The following ZEB1 variants were observed in gnomAD, a reference collection of about 807,000 sequenced individuals.
ZEB1 encodes the protein zinc finger E-box binding homeobox 1.
In ZEB1, 21 loss-of-function variants were observed where a neutral mutation model predicts 84.9. That is an observed-to-expected ratio of 0.25 (90% CI 0.18 to 0.36). ZEB1 has a LOEUF of 0.36. Ranked by LOEUF, ZEB1 falls within the 10% of genes least tolerant of loss-of-function variation. The pLI, the probability that ZEB1 is intolerant of heterozygous loss-of-function variation, is 1.00. For synonymous variants in ZEB1, 420 were observed against 471.1 expected (o/e 0.89, Z 1.41); for missense variants, 1,104 against 1,330.2 (o/e 0.83, Z 2.65).
intron 1 of ZEB1, among the ~76,000 whole-genome samples, chr10:31,409,691 C>G (rs921956698): frequency 6.6e-5 from 10 of 152,164 alleles, no homozygotes; most frequent in Non-Finnish European, 1.0e-4. Context: ...TTTCCTTGAA[C>G]AGTGGTTTTT....
intron 1 of ZEB1, among the ~76,000 whole-genome samples, chr10:31,387,524 G>C (rs536231745): frequency 3.3e-5 from 5 of 152,092 alleles, no homozygotes; most frequent in African/African-American, 1.2e-4. Flanking sequence ...TTCCAGTTTA[G>C]TCTGCATTTA....
chr10:31,390,369 T>C (rs529501019), intron 1 of ZEB1, among the ~76,000 whole-genome samples: 2 of 152,222 alleles, frequency 1.3e-5, no homozygotes, highest in African/African-American at 2.4e-5. Flanking sequence ...CTAGAAGATA[T>C]CTCTAGCCCA....
chr10:31,327,099 C>CTTTTTTTTTTTTTTTTTTTTTTTTTTT (rs71527629), intron 1 of ZEB1, among the ~76,000 whole-genome samples: 4 of 84,934 alleles, frequency 4.7e-5, no homozygotes, highest in Admixed American at 1.2e-4. Flanking sequence ...CTTTTCTTTT[C>CTTTTTTTTTTTTTTTTTTTTTTTTTTT]TTTTTTTTTT....
chr10:31,490,546 A>G (rs1565097225), intron 2 of ZEB1, among the ~76,000 whole-genome samples: 1 of 151,742 alleles, frequency 6.6e-6, no homozygotes, highest in Admixed American at 6.6e-5. Context: ...TTATTTAAAT[A>G]TCTTCCATTT....
In ZEB1 at chr10:31,462,466, G is replaced by A. The variant is rs186241009; in HGVS notation, c.259+1229G>A. On this transcript the variant is annotated intron_variant, in intron 2 of 8. Coordinates refer to ENST00000424869, the MANE Select transcript of ZEB1 (RefSeq NM_001174096.2). Reference sequence around the variant, plus strand: ...GGTATACATTATATGGCAGCATCAAGGAGGAGCATCCGAATTAGAGAAGGA... The same window carrying A: ...GGTATACATTATATGGCAGCATCAAAGAGGAGCATCCGAATTAGAGAAGGA... Among the ~76,000 whole-genome samples the A allele has an allele frequency of 3.7e-3, 556 of 152,300 alleles. 3 individuals are homozygous for A. The highest frequency in any genetic ancestry group is 0.012 in the African/African-American group (517 of 41,570).
At chr10:31,448,973 T>C (rs1325697319) in intron 1 of ZEB1, among the ~76,000 whole-genome samples, 2 of 152,254 alleles carry the variant, frequency 1.3e-5, no homozygotes, top group Non-Finnish European at 2.9e-5. Flanking sequence ...TTTGTTTACC[T>C]AATCAAGCCT....
At chr10:31,393,286 T>C (rs1420536683) in intron 1 of ZEB1, among the ~76,000 whole-genome samples, 2 of 152,218 alleles carry the variant, frequency 1.3e-5, no homozygotes, top group Non-Finnish European at 2.9e-5. Context: ...TCACTTAAGG[T>C]AGTTATCACT....
chr10:31,372,088 C>CAGAT (rs1239062609), intron 1 of ZEB1, among the ~76,000 whole-genome samples: 3 of 152,026 alleles, frequency 2.0e-5, no homozygotes, highest in Non-Finnish European at 4.4e-5. Flanking sequence ...GTTTATAACT[C>CAGAT]ATCTGAGTCT....
chr10:31,410,434 A>C (rs958472530), intron 1 of ZEB1, among the ~76,000 whole-genome samples: 1 of 152,120 alleles, frequency 6.6e-6, no homozygotes. Flanking sequence ...TTTTGCCCCA[A>C]TGTTCATCAG....
intron 1 of ZEB1, among the ~76,000 whole-genome samples, chr10:31,327,769 C>G (rs1315979975): frequency 6.6e-6 from 1 of 152,122 alleles, no homozygotes; most frequent in Non-Finnish European, 1.5e-5. Flanking sequence ...TTACGCTCAC[C>G]AACAATGTAA....
chr10:31,440,194 G>C (rs865920523), intron 1 of ZEB1, among the ~76,000 whole-genome samples: 30 of 152,154 alleles, frequency 2.0e-4, no homozygotes, highest in African/African-American at 5.3e-4. Context: ...CTGGAGGAAT[G>C]GAATTGCCGT....
At chr10:31,337,246 T>C (rs185074551) in intron 1 of ZEB1, among the ~76,000 whole-genome samples, 244 of 152,256 alleles carry the variant, frequency 1.6e-3, no homozygotes, top group Middle Eastern at 0.014. Flanking sequence ...TTAAGTAATA[T>C]ATTGTTTAAG....
intron 7 of ZEB1, among the ~76,000 whole-genome samples, chr10:31,522,377 A>C (rs897189348): frequency 6.6e-6 from 1 of 152,220 alleles, no homozygotes; most frequent in Non-Finnish European, 1.5e-5. Context: ...TTTATATACT[A>C]ATACATCTGT....
chr10:31,445,094 C>G (rs372435738), intron 1 of ZEB1, among the ~76,000 whole-genome samples: 12,349 of 122,590 alleles, frequency 0.1, 1,780 homozygotes, highest in African/African-American at 0.4. Context: ...ATTTCCTTGA[C>G]CAGTGGTTTG....
Position 31,527,453 on chromosome 10 carries a change from A to AAAATAAATCCG in ZEB1, c.*190_*200dup. ...CACACACACACACACACACACACAC[A>AAAATAAATCCG]AAATAAATCCGGGTGTGCCTGAACC... On this transcript the variant is annotated 3_prime_UTR_variant, in exon 9 of 9. Transcript: ENST00000424869. 1 of 722,966 alleles carries AAAATAAATCCG rather than the reference A, an allele frequency of 1.4e-6. No individual in the cohort carries two copies. The highest frequency in any genetic ancestry group is 2.2e-6 in the Non-Finnish European group (1 of 462,884). 44.8% of individuals were successfully genotyped at this position (722,966 alleles called of 1,614,324 possible).
intron 4 of ZEB1, among the ~76,000 whole-genome samples, chr10:31,509,965 A>G (rs1383953136): frequency 6.6e-6 from 1 of 152,186 alleles, no homozygotes; most frequent in Non-Finnish European, 1.5e-5. Flanking sequence ...ATATTCATAC[A>G]TATACAGTTA....
chr10:31,380,975 T>C (rs1298146772), intron 1 of ZEB1, among the ~76,000 whole-genome samples: 1 of 152,182 alleles, frequency 6.6e-6, no homozygotes, highest in Non-Finnish European at 1.5e-5. Flanking sequence ...TATTTTGTGA[T>C]GAAATAACTG....
chr10:31,442,097 A>T (rs2059074389), intron 1 of ZEB1, among the ~76,000 whole-genome samples: 1 of 152,228 alleles, frequency 6.6e-6, no homozygotes, highest in African/African-American at 2.4e-5. Context: ...TGCTATAAAG[A>T]CACATGCACA....
At chr10:31,321,467 T>A in intron 1 of ZEB1, 1 of 1,614,038 alleles carries the variant, frequency 6.2e-7, no homozygotes, top group Non-Finnish European at 8.5e-7. Context: ...TTTCCTGTTT[T>A]AGCGTCAAAT....
Sources: allele counts gnomAD v4.1 joint callset (sites outside exome capture counted in the v4.1 genomes callset), GRCh38; gene constraint gnomAD v4.1.1; transcripts MANE v1.5; gene names NCBI Gene and HGNC (gene_info 2026-07-23, HGNC 2026-07-21).